The following PARD3B variants were observed in gnomAD, a reference collection of about 807,000 sequenced individuals.
PARD3B encodes par-3 family cell polarity regulator beta.
PARD3B carries 103 observed loss-of-function variants against 130.2 expected under a neutral mutation model. That is an observed-to-expected ratio of 0.79 (90% CI 0.67 to 0.93). The LOEUF (loss-of-function observed/expected upper bound fraction) is 0.93. Among genes scored for constraint, PARD3B ranks in the 40% least tolerant of loss-of-function variants. The pLI, the probability that PARD3B is intolerant of heterozygous loss-of-function variation, is 0.00. For missense variants in PARD3B, 1,609 were observed against 1,499.2 expected (o/e 1.07, Z -1.21); for synonymous variants, 583 against 553.2 (o/e 1.05, Z -0.76).
intron 1 of PARD3B, among the ~76,000 whole-genome samples, chr2:204,661,305 C>T (rs1225949416): frequency 1.3e-5 from 2 of 152,096 alleles, no homozygotes; most frequent in Admixed American, 6.6e-5. Context: ...CTGGTGTTAA[C>T]GGTTTTTCCC....
rs7563903 is a variant in PARD3B, at chr2:205,230,934, A to G, written c.2141-14844A>G. The stretch of plus-strand genomic sequence containing the variant: ...GGTGGAAAGCACTGAGTTCCAGTGC[A>G]AAGTCTCCAATCACTATGCTCTCCC... On this transcript the variant is annotated intron_variant, in intron 15 of 22. Transcript: ENST00000406610. This position sits in a 1 kb window ranked among gnomAD's most constrained non-coding sequence, Gnocchi z 4.1. Among the ~76,000 whole-genome samples, 1,133 of 152,122 alleles carry G rather than the reference A, an allele frequency of 7.4e-3. 16 individuals carry two copies. Among genetic ancestry groups the G allele is most frequent in the African/African-American group, 0.026 (1,063 of 41,510 alleles).
chr2:205,232,832 G>A (rs980205019), intron 15 of PARD3B, among the ~76,000 whole-genome samples: 1 of 152,134 alleles, frequency 6.6e-6, no homozygotes, highest in South Asian at 2.1e-4. Flanking sequence ...AATACACACA[G>A]TAGAAATATA....
intron 22 of PARD3B, among the ~76,000 whole-genome samples, chr2:205,574,606 A>G (rs1487111023): frequency 6.6e-6 from 1 of 152,106 alleles, no homozygotes; most frequent in African/African-American, 2.4e-5. Context: ...ATTTACAGGA[A>G]TCAATAAAGA....
At chr2:205,190,239 G>T (rs945918667) in intron 14 of PARD3B, among the ~76,000 whole-genome samples, 8 of 152,084 alleles carry the variant, frequency 5.3e-5, no homozygotes, top group Non-Finnish European at 1.2e-4. Context: ...ATTAACACCT[G>T]GCTTAAGAGG....
intron 7 of PARD3B, among the ~76,000 whole-genome samples, chr2:205,119,354 ACGG>A (rs2030354406): frequency 6.6e-6 from 1 of 151,458 alleles, no homozygotes; most frequent in South Asian, 2.1e-4. Flanking sequence ...CTGGTATTTA[ACGG>A]CTCTTTTCAC....
intron 10 of PARD3B, among the ~76,000 whole-genome samples, chr2:205,155,914 A>G (rs2034092649): frequency 6.6e-6 from 1 of 151,898 alleles, no homozygotes; most frequent in Non-Finnish European, 1.5e-5. Flanking sequence ...TTCTTGGGTA[A>G]TGTACCCAAA....
chr2:205,488,670 C>T (rs1195102928), intron 20 of PARD3B, among the ~76,000 whole-genome samples: 5 of 152,242 alleles, frequency 3.3e-5, no homozygotes, highest in South Asian at 2.1e-4. Flanking sequence ...CATCCTTAAA[C>T]GCTGAAATGA....
In PARD3B at chr2:204,563,008, G is replaced by C. The variant is rs114636083; in HGVS notation, c.120+16889G>C. The stretch of plus-strand genomic sequence containing the variant: ...TGCCATGACAATGTACCACAAACTG[G>C]GTGGTTTAAAACAAGAGAAATTTAT... On this transcript the variant is annotated intron_variant, in intron 1 of 22. Coordinates refer to ENST00000406610, the MANE Select transcript of PARD3B (RefSeq NM_001302769.2). Among the ~76,000 whole-genome samples the C allele has an allele frequency of 7.1e-3, 1,083 of 152,170 alleles. 17 individuals carry two copies. The highest frequency in any genetic ancestry group is 0.025 in the African/African-American group (1,027 of 41,520).
chr2:205,317,327 A>G (rs4119081), intron 18 of PARD3B, among the ~76,000 whole-genome samples: 99,932 of 152,044 alleles, frequency 0.66, 33,946 homozygotes, highest in Admixed American at 0.78. Flanking sequence ...TTGGTCACTG[A>G]TTGAAACTGA....
In PARD3B at chr2:205,567,353, C is replaced by T. The variant is rs1212508104; in HGVS notation, c.3260+13950C>T. Among the ~76,000 whole-genome samples, 13 of 136,704 alleles carry T rather than the reference C, an allele frequency of 9.5e-5. 1 individual carries two copies. Among genetic ancestry groups the T allele is most frequent in the South Asian group, 7.0e-4 (3 of 4,268 alleles). 89.7% of individuals were successfully genotyped at this position (136,704 alleles called of 152,430 possible). A position where few individuals can be genotyped will look rare whatever the true frequency, so the allele number is the denominator to read the frequency against. On this transcript the variant is annotated intron_variant, in intron 22 of 22. Transcript: ENST00000406610. ...TTTTTGAGATGGAGTCTTGCTCTGT[C>T]GCCCAGGATGGAGTGCAGTGGCACG...
At chr2:204,688,327 C>T (rs2037184685) in intron 2 of PARD3B, among the ~76,000 whole-genome samples, 1 of 152,110 alleles carries the variant, frequency 6.6e-6, no homozygotes, top group Non-Finnish European at 1.5e-5. Context: ...TGCCTGTAAT[C>T]CTAGCACTTT....
chr2:205,436,295 A>T (rs1191745558), intron 19 of PARD3B, among the ~76,000 whole-genome samples: 1 of 152,172 alleles, frequency 6.6e-6, no homozygotes, highest in African/African-American at 2.4e-5. Context: ...ACCATGTTGA[A>T]TTCTTCATTT....
chr2:205,478,464 G>A (rs908608397), intron 20 of PARD3B, among the ~76,000 whole-genome samples: 1 of 152,192 alleles, frequency 6.6e-6, no homozygotes, highest in African/African-American at 2.4e-5. Context: ...TGGGCAGCAA[G>A]CATATCTTAT....
intron 2 of PARD3B, among the ~76,000 whole-genome samples, chr2:204,737,965 C>T (rs2125355617): frequency 6.6e-6 from 1 of 152,166 alleles, no homozygotes; most frequent in African/African-American, 2.4e-5. Flanking sequence ...GTTTTGGTAA[C>T]TGTAGTCTTG....
intron 19 of PARD3B, among the ~76,000 whole-genome samples, chr2:205,415,328 C>T (rs1445016117): frequency 6.6e-6 from 1 of 152,064 alleles, no homozygotes; most frequent in South Asian, 2.1e-4. Context: ...ATTTACCTCA[C>T]CAATTATTTC....
chr2:205,035,083 G>GAACTCCTA (rs1411524557), intron 3 of PARD3B, among the ~76,000 whole-genome samples: 1 of 151,762 alleles, frequency 6.6e-6, no homozygotes, highest in Non-Finnish European at 1.5e-5. Flanking sequence ...GGCTGGTCTC[G>GAACTCCTA]AACTCCTAAC....
chr2:205,507,469 C>T (rs1409243993), intron 21 of PARD3B, among the ~76,000 whole-genome samples: 3 of 151,950 alleles, frequency 2.0e-5, no homozygotes, highest in Non-Finnish European at 4.4e-5. Flanking sequence ...CTGCCTCGGC[C>T]TCCCAAAGTG....
chr2:204,949,484 A>T (rs1689592431), intron 2 of PARD3B, among the ~76,000 whole-genome samples: 1 of 151,066 alleles, frequency 6.6e-6, no homozygotes, highest in Admixed American at 6.6e-5. Context: ...CACCTGGCTA[A>T]TTTTTTTTTA....
At chr2:205,140,497 T>C (rs1209827031) in intron 10 of PARD3B, among the ~76,000 whole-genome samples, 2 of 151,266 alleles carry the variant, frequency 1.3e-5, no homozygotes, top group Admixed American at 6.6e-5. Context: ...TTTTTTTTTT[T>C]TTTTTTTTAA....
Sources: gnomAD v4.1 joint callset for allele counts (sites outside exome capture counted in the v4.1 genomes callset) on GRCh38, gnomAD v4.1.1 for gene constraint, Gnocchi (gnomAD v3.1) non-coding constraint, MANE v1.5 for transcripts, NCBI Gene and HGNC (gene_info 2026-07-23, HGNC 2026-07-21) for gene names.